The following XYLT1 variants were observed in gnomAD, a reference collection of about 807,000 sequenced individuals.
XYLT1 encodes the protein beta-D-xylosyltransferase 1.
In XYLT1, 36 loss-of-function variants were observed where a neutral mutation model predicts 91.3. That is an observed-to-expected ratio of 0.39 (90% confidence interval 0.30 to 0.52). The LOEUF is 0.52. Ranked by LOEUF, XYLT1 falls within the 20% of genes least tolerant of loss-of-function variation. The pLI is 0.68. For synonymous variants in XYLT1, 588 were observed against 532.0 expected (o/e 1.11, Z -1.45); for missense variants, 1,242 against 1,284.5 (o/e 0.97, Z 0.51).
chr16:17,313,077 C>G (rs1292937289), intron 2 of XYLT1, among the ~76,000 whole-genome samples: 1 of 152,224 alleles, frequency 6.6e-6, no homozygotes, highest in Non-Finnish European at 1.5e-5. Context: ...TAGTCTCTAT[C>G]CCAGCTCAAA....
At chr16:17,340,455 T>C (rs2035050387) in intron 2 of XYLT1, among the ~76,000 whole-genome samples, 1 of 152,230 alleles carries the variant, frequency 6.6e-6, no homozygotes, top group African/African-American at 2.4e-5. Context: ...ATCATTTCCT[T>C]ACCCAGGAAC....
intron 2 of XYLT1, among the ~76,000 whole-genome samples, chr16:17,327,978 C>T (rs1020340640): frequency 1.3e-5 from 2 of 152,214 alleles, no homozygotes; most frequent in Admixed American, 1.3e-4. Flanking sequence ...CCTTGACTAT[C>T]GTTACTCTGA....
intron 3 of XYLT1, among the ~76,000 whole-genome samples, chr16:17,235,176 G>A (rs934628764): frequency 1.3e-5 from 2 of 152,120 alleles, no homozygotes; most frequent in Admixed American, 6.5e-5. Flanking sequence ...CTGATTAAAT[G>A]TAGTTCTAGA....
chr16:17,213,621 C>T (rs1321550533), intron 3 of XYLT1, among the ~76,000 whole-genome samples: 2 of 151,788 alleles, frequency 1.3e-5, no homozygotes, highest in Admixed American at 6.6e-5. Flanking sequence ...CCTTTCTTTT[C>T]TTTTCTTTTT....
intron 1 of XYLT1, among the ~76,000 whole-genome samples, chr16:17,385,775 G>C (rs887427194): frequency 2.0e-5 from 3 of 151,078 alleles, no homozygotes; most frequent in Non-Finnish European, 4.4e-5. Context: ...TGTGACCCTG[G>C]ACAAGTGAGT....
intron 1 of XYLT1, among the ~76,000 whole-genome samples, chr16:17,366,061 CTTTTTTTT>C (rs11398471): frequency 1.6e-5 from 2 of 128,644 alleles, no homozygotes; most frequent in South Asian, 5.0e-4. Flanking sequence ...AGCTGGTTTG[CTTTTTTTT>C]TTTTTTTTTG....
intron 1 of XYLT1, among the ~76,000 whole-genome samples, chr16:17,460,750 T>C (rs1057198899): frequency 3.3e-5 from 5 of 152,160 alleles, no homozygotes; most frequent in Non-Finnish European, 7.3e-5. Flanking sequence ...TTTAAAAGAA[T>C]TCCAAAAATC....
intron 3 of XYLT1, among the ~76,000 whole-genome samples, chr16:17,210,781 CA>C (rs777246263): frequency 1.3e-5 from 2 of 152,150 alleles, no homozygotes; most frequent in African/African-American, 2.4e-5. Flanking sequence ...GGCATTGAGT[CA>C]GGGGGGACTG....
intron 3 of XYLT1, among the ~76,000 whole-genome samples, chr16:17,239,829 C>T (rs573128004): frequency 1.7e-4 from 26 of 152,094 alleles, no homozygotes; most frequent in Non-Finnish European, 3.5e-4. Flanking sequence ...TCTGTCTGTC[C>T]AATTCACTTA....
chr16:17,122,783 G>C (rs1222933967), intron 10 of XYLT1, among the ~76,000 whole-genome samples: 1 of 152,102 alleles, frequency 6.6e-6, no homozygotes, highest in African/African-American at 2.4e-5. Context: ...ATGAGGATTC[G>C]GTTCCATTCT....
At chr16:17,239,841 C>A (rs1325691700) in intron 3 of XYLT1, among the ~76,000 whole-genome samples, 2 of 152,144 alleles carry the variant, frequency 1.3e-5, no homozygotes, top group Admixed American at 1.3e-4. Flanking sequence ...ATTCACTTAT[C>A]TTTTTATCCA....
At chr16:17,373,987 T>C (rs2035566931) in intron 1 of XYLT1, among the ~76,000 whole-genome samples, 1 of 152,198 alleles carries the variant, frequency 6.6e-6, no homozygotes, top group Non-Finnish European at 1.5e-5. Flanking sequence ...AGATTTGTGA[T>C]AAATGCTGCC....
intron 5 of XYLT1, among the ~76,000 whole-genome samples, chr16:17,183,207 C>G (rs764957132): frequency 7.2e-5 from 11 of 152,162 alleles, no homozygotes; most frequent in Non-Finnish European, 1.3e-4. Context: ...TGTCATCTTA[C>G]TGGGATGCCA....
chr16:17,274,530 G>A (rs2033943131), intron 2 of XYLT1, among the ~76,000 whole-genome samples: 1 of 152,174 alleles, frequency 6.6e-6, no homozygotes, highest in Non-Finnish European at 1.5e-5. Context: ...TGAGAAAAGA[G>A]AGGAAAGTAA....
chr16:17,442,972 T>C (rs563680252), intron 1 of XYLT1, among the ~76,000 whole-genome samples: 1 of 152,322 alleles, frequency 6.6e-6, no homozygotes, highest in African/African-American at 2.4e-5. Context: ...AAATTATTGA[T>C]TCATTCTGCA....
At chr16:17,452,862 C>T (rs533086822) in intron 1 of XYLT1, among the ~76,000 whole-genome samples, 1 of 151,198 alleles carries the variant, frequency 6.6e-6, no homozygotes, top group Non-Finnish European at 1.5e-5. Context: ...CCCTAGAATA[C>T]ACACACACAC....
chr16:17,133,065 G>T (rs13331750), intron 9 of XYLT1, among the ~76,000 whole-genome samples: 37,367 of 151,974 alleles, frequency 0.25, 5,076 homozygotes, highest in East Asian at 0.59. Flanking sequence ...TAGCTTGTAA[G>T]CAGAGTTTAA....
At chr16:17,125,159 G>A (rs777856104) in intron 10 of XYLT1, among the ~76,000 whole-genome samples, 1 of 152,168 alleles carries the variant, frequency 6.6e-6, no homozygotes, top group Non-Finnish European at 1.5e-5. Context: ...GTTAAAGCAA[G>A]CCAATTCACA....
chr16:17,126,379 A>G (rs7201714), intron 10 of XYLT1, among the ~76,000 whole-genome samples: 1,749 of 152,308 alleles, frequency 0.011, 35 homozygotes, highest in African/African-American at 0.04. Context: ...ACAGAATCGA[A>G]CTGGGGCAGT....
Sources: allele counts gnomAD v4.1 joint callset (sites outside exome capture counted in the v4.1 genomes callset), GRCh38; gene constraint gnomAD v4.1.1; transcripts MANE v1.5; gene names NCBI Gene and HGNC (gene_info 2026-07-23, HGNC 2026-07-21).